LIMS1: variants seen among roughly 807,000 people sequenced by gnomAD.
LIMS1 encodes the protein LIM and senescent cell antigen-like-containing domain protein 1.
In LIMS1, 18 loss-of-function variants were observed where a neutral mutation model predicts 44.1. That is an observed-to-expected ratio of 0.41 (90% CI 0.28 to 0.61). The LOEUF (loss-of-function observed/expected upper bound fraction) is 0.61. Ranked by LOEUF, LIMS1 falls within the 20% of genes least tolerant of loss-of-function variation. The pLI is 0.32. For missense variants in LIMS1, 201 were observed against 422.0 expected (o/e 0.48, Z 4.59); for synonymous variants, 93 against 149.1 (o/e 0.62, Z 2.74).
intron 1 of LIMS1, among the ~76,000 whole-genome samples, chr2:108,642,350 T>TG (rs1216348953): frequency 0.075 from 706 of 9,376 alleles, 17 homozygotes; most frequent in African/African-American, 0.12. Flanking sequence ...TTGTTTTTTT[T>TG]TTTTTTTGTT....
At chr2:108,679,507 G>A (rs12998958) in intron 8 of LIMS1, among the ~76,000 whole-genome samples, 51,549 of 151,866 alleles carry the variant, frequency 0.34, 9,401 homozygotes, top group Middle Eastern at 0.52. Flanking sequence ...ATGTATACAA[G>A]ACAATGTACA....
At chr2:108,650,801 C>T (rs1690427135) in intron 1 of LIMS1, among the ~76,000 whole-genome samples, 1 of 152,220 alleles carries the variant, frequency 6.6e-6, no homozygotes, top group Admixed American at 6.5e-5. Flanking sequence ...TCACTCAGCA[C>T]TGGGCACCAA....
At chr2:108,542,584 AAGGCTTTTTC>A (rs1684349483) in intron 1 of LIMS1, among the ~76,000 whole-genome samples, 1 of 152,108 alleles carries the variant, frequency 6.6e-6, no homozygotes, top group Non-Finnish European at 1.5e-5. Flanking sequence ...TCCAAGTCTC[AAGGCTTTTTC>A]TTGGCATGTC....
intron 8 of LIMS1, 130 bp from the exon 9 acceptor site, chr2:108,680,557 AAAAAAAAG>A (rs1432233335): frequency 3.6e-4 from 492 of 1,350,022 alleles, no homozygotes; most frequent in East Asian, 1.0e-3. Context: ...AAAAAAAAAA[AAAAAAAAG>A]GTTCTTGAGA....
At chr2:108,608,377 C>T (rs1199808093) in intron 1 of LIMS1, among the ~76,000 whole-genome samples, 1 of 150,996 alleles carries the variant, frequency 6.6e-6, no homozygotes, top group African/African-American at 2.4e-5. Flanking sequence ...GTGATCTCGG[C>T]TCACTGAAAC....
At chr2:108,550,908 G>T (rs759914009) in intron 1 of LIMS1, among the ~76,000 whole-genome samples, 1 of 151,944 alleles carries the variant, frequency 6.6e-6, no homozygotes, top group Non-Finnish European at 1.5e-5. Flanking sequence ...ATTGCTTGAG[G>T]CCAGAAGTTT....
At chr2:108,637,095 ATATATGTGTG>A (rs1313106273) in intron 1 of LIMS1, among the ~76,000 whole-genome samples, 1 of 81,434 alleles carries the variant, frequency 1.2e-5, no homozygotes. Flanking sequence ...CAAAATATAC[ATATATGTGTG>A]TGTGTGTGTG....
In LIMS1 at chr2:108,580,995, T is replaced by C. The variant is rs548718225; in HGVS notation, c.32+46401T>C. 5.9e-5 allele frequency among the ~76,000 whole-genome samples: 9 copies of C among 152,352 alleles called. No homozygotes were observed. The East Asian group carries it at 1.7e-3, about 29-fold the overall frequency. On this transcript the variant is annotated intron_variant, in intron 1 of 9. Transcript: ENST00000544547. The stretch of plus-strand genomic sequence containing the variant: ...GTGGCCTCTGCCAAGGTTGTTACTC[T>C]CTTTTTGTGTCCCTGGGCTGCTGAA...
intron 1 of LIMS1, among the ~76,000 whole-genome samples, chr2:108,598,160 C>T (rs1163458909): frequency 6.6e-6 from 1 of 151,726 alleles, no homozygotes; most frequent in Non-Finnish European, 1.5e-5. Context: ...CTCATCCCTA[C>T]AACTGCAGCG....
At chr2:108,668,794 T>G (rs1411031919) in intron 2 of LIMS1, among the ~76,000 whole-genome samples, 2 of 152,232 alleles carry the variant, frequency 1.3e-5, no homozygotes, top group African/African-American at 4.8e-5. Flanking sequence ...CATCAGATTT[T>G]TATACATATA....
intron 1 of LIMS1, among the ~76,000 whole-genome samples, chr2:108,650,757 C>T (rs1454574712): frequency 6.6e-6 from 1 of 152,234 alleles, no homozygotes; most frequent in Non-Finnish European, 1.5e-5. Context: ...CACACTGTTA[C>T]AGATCCTTAT....
At chr2:108,560,605 T>G (rs1213898717) in intron 1 of LIMS1, among the ~76,000 whole-genome samples, 1 of 151,928 alleles carries the variant, frequency 6.6e-6, no homozygotes, top group African/African-American at 2.4e-5. Context: ...CACTCCTGAT[T>G]GCCCCCTCCC....
intron 1 of LIMS1, among the ~76,000 whole-genome samples, chr2:108,620,077 T>C (rs1477785552): frequency 1.3e-5 from 2 of 152,210 alleles, no homozygotes; most frequent in South Asian, 2.1e-4. Flanking sequence ...AAGTCATTTG[T>C]TTTTCCTGGG....
intron 1 of LIMS1, among the ~76,000 whole-genome samples, chr2:108,577,062 C>A (rs1227852843): frequency 1.3e-5 from 2 of 152,156 alleles, no homozygotes; most frequent in Non-Finnish European, 2.9e-5. Flanking sequence ...GAAAACAGTA[C>A]GATCTCTCAG....
At chr2:108,641,820 TTGTC>T (rs1476719959) in intron 1 of LIMS1, among the ~76,000 whole-genome samples, 2 of 152,202 alleles carry the variant, frequency 1.3e-5, no homozygotes, top group Non-Finnish European at 2.9e-5. Flanking sequence ...TGGCCAAACT[TTGTC>T]TGTTTTCTCA....
intron 1 of LIMS1, among the ~76,000 whole-genome samples, chr2:108,636,577 T>G (rs1689266716): frequency 6.6e-6 from 1 of 152,184 alleles, no homozygotes; most frequent in Non-Finnish European, 1.5e-5. Context: ...TTCACAGAGG[T>G]AGCAGTAACT....
At chr2:108,668,953 T>A (rs1691975478) in intron 2 of LIMS1, among the ~76,000 whole-genome samples, 1 of 152,166 alleles carries the variant, frequency 6.6e-6, no homozygotes, top group African/African-American at 2.4e-5. Context: ...AATACATTAA[T>A]CTGGGCAAGG....
chr2:108,676,745 A>G, intron 7 of LIMS1, 47 bp downstream of exon 7: 1 of 1,099,628 alleles, frequency 9.1e-7, no homozygotes, highest in South Asian at 1.6e-5. Flanking sequence ...TATGAACCTA[A>G]GCTTATCAGT....
chr2:108,619,322 G>T (rs986085312), intron 1 of LIMS1, among the ~76,000 whole-genome samples: 12 of 151,532 alleles, frequency 7.9e-5, no homozygotes, highest in Admixed American at 6.6e-4. Flanking sequence ...TGTGTTGATG[G>T]TGGGGGAAAA....
Sources: gnomAD v4.1 joint callset for allele counts (sites outside exome capture counted in the v4.1 genomes callset) on GRCh38, gnomAD v4.1.1 for gene constraint, MANE v1.5 for transcripts, NCBI Gene and HGNC (gene_info 2026-07-23, HGNC 2026-07-21) for gene names.